The following CAMK1D variants were observed in gnomAD, a reference collection of about 807,000 sequenced individuals.
The protein encoded by CAMK1D is calcium/calmodulin dependent protein kinase ID.
CAMK1D carries 9 observed loss-of-function variants against 47.7 expected under a neutral mutation model. The observed-to-expected ratio is 0.19, with a 90% CI of 0.11 to 0.33. The LOEUF (loss-of-function observed/expected upper bound fraction) is 0.33. Ranked by LOEUF, CAMK1D falls within the 10% of genes least tolerant of loss-of-function variation. CAMK1D has a pLI of 1.00. For missense variants in CAMK1D, 291 were observed against 488.7 expected (o/e 0.60, Z 3.81); for synonymous variants, 184 against 184.9 (o/e 0.99, Z 0.04).
chr10:12,725,462 A>G (rs796910574), intron 3 of CAMK1D: 8 of 154,898 alleles, frequency 5.2e-5, no homozygotes, highest in African/African-American at 1.9e-4. Flanking sequence ...AAGAGAGAGT[A>G]AAGTGCATTG....
chr10:12,516,613 T>C (rs184946893), intron 1 of CAMK1D, among the ~76,000 whole-genome samples: 1 of 152,366 alleles, frequency 6.6e-6, no homozygotes, highest in Admixed American at 6.5e-5. Context: ...CAGCAGCGTA[T>C]CATGATGCTG....
chr10:12,672,283 T>G (rs1431638193), intron 3 of CAMK1D, among the ~76,000 whole-genome samples: 1 of 152,126 alleles, frequency 6.6e-6, no homozygotes, highest in East Asian at 1.9e-4. Flanking sequence ...GTTCATTTTT[T>G]TTAATGGCTT....
At chr10:12,672,918 T>G (rs1212311975) in intron 3 of CAMK1D, among the ~76,000 whole-genome samples, 3 of 133,026 alleles carry the variant, frequency 2.3e-5, no homozygotes, top group Admixed American at 1.5e-4. Context: ...TTTTTTTTAG[T>G]CAGAGTTTTG....
chr10:12,637,523 G>A lies in CAMK1D; in HGVS notation c.225-29213G>A, dbSNP rs59565864. ...TTATCTCATCTGTGGCCAGCAGGGT[G>A]TATAGAGGCAGGTTGCAGAAATGCC... On this transcript the variant is annotated intron_variant, in intron 2 of 10. Coordinates refer to ENST00000619168, the MANE Select transcript of CAMK1D (RefSeq NM_153498.4). Among the ~76,000 whole-genome samples the A allele has an allele frequency of 1.5e-3, 222 of 151,492 alleles. 1 individual carries two copies. Among genetic ancestry groups the A allele is most frequent in the African/African-American group, 5.0e-3 (208 of 41,326 alleles).
At chr10:12,557,393 C>T (rs535336599) in intron 2 of CAMK1D, among the ~76,000 whole-genome samples, 5 of 151,738 alleles carry the variant, frequency 3.3e-5, no homozygotes, top group Non-Finnish European at 7.4e-5. Context: ...ACTAAAAATA[C>T]ACAAAAAAAT....
At chr10:12,796,026 CATCTCACAGATCA>C (rs1457468421) in intron 6 of CAMK1D, among the ~76,000 whole-genome samples, 1 of 152,212 alleles carries the variant, frequency 6.6e-6, no homozygotes, top group Non-Finnish European at 1.5e-5. Context: ...TGAACCTCAG[CATCTCACAGATCA>C]ATCTTGATTC....
intron 3 of CAMK1D, among the ~76,000 whole-genome samples, chr10:12,760,184 GC>G (rs1836434970): frequency 6.6e-6 from 1 of 152,132 alleles, no homozygotes; most frequent in Non-Finnish European, 1.5e-5. Context: ...CAGAGAGGTT[GC>G]CCCCACAGGG....
intron 2 of CAMK1D, among the ~76,000 whole-genome samples, chr10:12,557,827 G>A (rs1475723521): frequency 1.3e-5 from 2 of 152,190 alleles, no homozygotes; most frequent in Non-Finnish European, 2.9e-5. Flanking sequence ...CGGCCCATTG[G>A]AAAGACTGCC....
intron 3 of CAMK1D, among the ~76,000 whole-genome samples, chr10:12,743,937 G>T (rs554158884): frequency 2.0e-5 from 3 of 152,068 alleles, no homozygotes; most frequent in African/African-American, 7.2e-5. Flanking sequence ...ACAGGAGAAT[G>T]GCTTGAACCT....
At chr10:12,503,669 G>A (rs1042155605) in intron 1 of CAMK1D, among the ~76,000 whole-genome samples, 2 of 152,212 alleles carry the variant, frequency 1.3e-5, no homozygotes, top group Non-Finnish European at 2.9e-5. Flanking sequence ...TAACTGCAGG[G>A]ATGACTGGCT....
intron 1 of CAMK1D, among the ~76,000 whole-genome samples, chr10:12,533,201 A>G (rs1835864624): frequency 6.6e-6 from 1 of 152,138 alleles, no homozygotes; most frequent in South Asian, 2.1e-4. Context: ...AAATATATAC[A>G]CCTACTGTGT....
intron 1 of CAMK1D, among the ~76,000 whole-genome samples, chr10:12,462,069 T>C (rs1588511558): frequency 6.6e-6 from 1 of 152,116 alleles, no homozygotes; most frequent in East Asian, 1.9e-4. Context: ...GTTTGTGTTC[T>C]GTCGAAGTCC....
At chr10:12,684,511 C>G (rs1832576999) in intron 3 of CAMK1D, among the ~76,000 whole-genome samples, 1 of 152,030 alleles carries the variant, frequency 6.6e-6, no homozygotes, top group Admixed American at 6.6e-5. Context: ...AAAATGTATT[C>G]CTCAATATAG....
At chr10:12,417,200 C>T (rs1015868040) in intron 1 of CAMK1D, among the ~76,000 whole-genome samples, 5 of 152,062 alleles carry the variant, frequency 3.3e-5, no homozygotes, top group South Asian at 2.1e-4. Flanking sequence ...ATTACCTAGA[C>T]GCAGGATGAT....
intron 2 of CAMK1D, among the ~76,000 whole-genome samples, chr10:12,649,059 G>A (rs1037826704): frequency 5.9e-5 from 9 of 152,094 alleles, no homozygotes; most frequent in Admixed American, 3.9e-4. Context: ...TTACAGACCG[G>A]GTTTTACTAT....
intron 6 of CAMK1D, among the ~76,000 whole-genome samples, chr10:12,799,178 TGTG>T (rs1464053078): frequency 1.3e-5 from 2 of 152,162 alleles, no homozygotes; most frequent in African/African-American, 4.8e-5. Context: ...CACCATGTAA[TGTG>T]GTGCACGGTG....
chr10:12,702,276 C>G (rs11257943), intron 3 of CAMK1D, among the ~76,000 whole-genome samples: 11 of 152,094 alleles, frequency 7.2e-5, no homozygotes, highest in Non-Finnish European at 1.5e-5. Context: ...AGGTCAACCT[C>G]GAGGAGGTGA....
At chr10:12,724,144 A>G (rs1447034073) in intron 3 of CAMK1D, among the ~76,000 whole-genome samples, 4 of 152,162 alleles carry the variant, frequency 2.6e-5, no homozygotes, top group Admixed American at 2.6e-4. Flanking sequence ...GCCGGCCACC[A>G]TGCCGGGCCA....
Position 12,589,916 on chromosome 10 carries a change from G to T in CAMK1D, c.224+36560G>T, listed in dbSNP as rs560860095. Among the ~76,000 whole-genome samples the T allele has an allele frequency of 3.9e-5, 6 of 152,266 alleles. No individual in the cohort carries two copies. The East Asian group carries it at 1.2e-3, about 29-fold the overall frequency. On this transcript the variant is annotated intron_variant, in intron 2 of 10. Transcript: ENST00000619168. ...CTCCTTTTAAATGCCCTTTGCAGTA[G>T]AGACCTGCTAGGGTAACTCTGATGT...
Sources: gnomAD v4.1 joint callset for allele counts (sites outside exome capture counted in the v4.1 genomes callset) on GRCh38, gnomAD v4.1.1 for gene constraint, MANE v1.5 for transcripts, NCBI Gene and HGNC (gene_info 2026-07-23, HGNC 2026-07-21) for gene names.